NCOA3: variants seen among roughly 807,000 people sequenced by gnomAD.
NCOA3 encodes CBP-interacting protein.
A neutral mutation model predicts 158.8 loss-of-function variants in NCOA3; 51 were observed. The observed-to-expected ratio is 0.32, with a 90% confidence interval of 0.26 to 0.41. NCOA3 has a LOEUF of 0.41. Ranked by LOEUF, NCOA3 falls within the 10% of genes least tolerant of loss-of-function variation. The pLI is 1.00. For synonymous variants in NCOA3, 537 were observed against 592.4 expected (o/e 0.91, Z 1.36); for missense variants, 1,510 against 1,746.6 (o/e 0.86, Z 2.41).
At chr20:47,505,953 C>T (rs1050492093) in intron 1 of NCOA3, among the ~76,000 whole-genome samples, 9 of 152,030 alleles carry the variant, frequency 5.9e-5, no homozygotes, top group Admixed American at 2.0e-4. Context: ...TACCGGCGCT[C>T]GCCACCATGC....
chr20:47,580,222 C>T (rs1242122167), intron 1 of NCOA3, among the ~76,000 whole-genome samples: 1 of 152,054 alleles, frequency 6.6e-6, no homozygotes, highest in Non-Finnish European at 1.5e-5. Flanking sequence ...CACGAGGCAG[C>T]AGTAATTGTT....
intron 2 of NCOA3, among the ~76,000 whole-genome samples, chr20:47,601,088 A>G (rs1235087624): frequency 4.6e-5 from 7 of 152,186 alleles, no homozygotes; most frequent in African/African-American, 1.7e-4. Context: ...TTAGCACATG[A>G]TTCTGGAAGC....
chr20:47,597,720 C>T lies in NCOA3; in HGVS notation c.-20+14459C>T, dbSNP rs186944086. On this transcript the variant is annotated intron_variant, in intron 2 of 22. Coordinates refer to ENST00000371998, the MANE Select transcript of NCOA3 (RefSeq NM_181659.3). ...TCCAGGCTGGTCTTGAACTCCTGAC[C>T]TCAGGTGATCCACCGGCCTCGGCCT... Among the ~76,000 whole-genome samples the T allele has an allele frequency of 1.3e-4, 20 of 151,736 alleles. No homozygotes were observed. In the East Asian group the frequency reaches 3.9e-3, roughly 30 times the overall value.
In NCOA3 at chr20:47,606,666, G is replaced by A. The variant is rs144295576; in HGVS notation, c.-19-15563G>A. Among the ~76,000 whole-genome samples the A allele has an allele frequency of 1.4e-4, 21 of 152,316 alleles. No homozygotes were observed. The East Asian group carries it at 3.5e-3, about 25-fold the overall frequency. ...TTCTGCCTGCCAAAGTATGATGGCT[G>A]TCTCCGGGAAAAGCACTTGCGCAGT... On this transcript the variant is annotated intron_variant, in intron 2 of 22. Coordinates refer to ENST00000371998, the MANE Select transcript of NCOA3 (RefSeq NM_181659.3).
chr20:47,637,149 C>G (rs575681206), intron 12 of NCOA3, among the ~76,000 whole-genome samples: 1 of 152,194 alleles, frequency 6.6e-6, no homozygotes, highest in Admixed American at 6.5e-5. Context: ...AAGCATTTCC[C>G]AAACTTATAG....
rs201191261 is a variant in NCOA3, at chr20:47,636,306, C to T, written c.1920C>T (p.Ser640=). The change falls in exon 12 of 23, where the codon TCC becomes TCT. Residue 640 remains serine (S), a synonymous_variant. Coordinates refer to ENST00000371998, the MANE Select transcript of NCOA3 (RefSeq NM_181659.3). Reference sequence around the variant, plus strand: ...GGGGTCATTCCTCCTTGACCAACTCCCCCCTAGATTCAAGTTGTAAAGAAT... The same window carrying T: ...GGGGTCATTCCTCCTTGACCAACTCTCCCCTAGATTCAAGTTGTAAAGAAT... ...DDRGHSSLTN[S]PLDSSCKESS... is the part of the protein sequence containing the mutation. The T allele has an allele frequency of 2.7e-5, 43 of 1,614,036 alleles. No individual in the cohort carries two copies. The highest frequency in any genetic ancestry group is 3.1e-5 in the Non-Finnish European group (36 of 1,180,038).
At chr20:47,622,204 C>G (rs1568732681) in intron 2 of NCOA3, 25 bp from the exon 3 acceptor site, 1 of 1,275,294 alleles carries the variant, frequency 7.8e-7, no homozygotes, top group South Asian at 1.3e-5. Context: ...ATGTACTTAT[C>G]TTATTTCTCA....
In NCOA3 at chr20:47,635,583, C is replaced by T; in HGVS notation, c.1374C>T (p.Asn458=). The change falls in exon 11 of 23, where the codon AAC becomes AAT. Residue 458 remains asparagine (N), a synonymous_variant. Transcript: ENST00000371998. ...MQSPSSYQNN[N]YGLNMSSPPH... ...CACCATCTTCCTACCAGAACAACAA[C>T]TATGGGCTCAACATGAGTAGCCCCC... 2 of 1,614,202 alleles carry T rather than the reference C, an allele frequency of 1.2e-6. No individual in the cohort carries two copies. Among genetic ancestry groups the T allele is most frequent in the Non-Finnish European group, 1.7e-6 (2 of 1,180,030 alleles).
chr20:47,547,007 C>G (rs947588199), intron 1 of NCOA3, among the ~76,000 whole-genome samples: 1 of 152,172 alleles, frequency 6.6e-6, no homozygotes, highest in Admixed American at 6.5e-5. Flanking sequence ...TCAATTCTTA[C>G]ACTCTTAATG....
At chr20:47,633,295 T>C (rs938173437) in intron 8 of NCOA3, among the ~76,000 whole-genome samples, 1 of 152,206 alleles carries the variant, frequency 6.6e-6, no homozygotes, top group African/African-American at 2.4e-5. Context: ...ATTATACTCC[T>C]TAGCAGAACA....
At chr20:47,546,807 A>C (rs1555802835) in intron 1 of NCOA3, among the ~76,000 whole-genome samples, 2 of 152,112 alleles carry the variant, frequency 1.3e-5, no homozygotes, top group Non-Finnish European at 2.9e-5. Flanking sequence ...CTGAGGTTAC[A>C]GGCATGAGCC....
rs777812285 is a variant in NCOA3 at position 47,635,306 on chromosome 20, G to T, written c.1113-16G>T. 1.3e-6 allele frequency: 2 copies of T among 1,544,050 alleles called. No homozygotes were observed. The highest frequency in any genetic ancestry group is 1.2e-5 in the South Asian group (1 of 82,866). ...GCTTAGAATTTTTTAGTAAAAGTTT[G>T]ATGTTTGTTTTGCAGAGAACAGAAT... is the stretch of plus-strand genomic sequence containing the variant. On this transcript the variant is annotated splice_polypyrimidine_tract_variant and intron_variant, in intron 10 of 22. Transcript: ENST00000371998.
intron 1 of NCOA3, among the ~76,000 whole-genome samples, chr20:47,557,917 G>C (rs981970470): frequency 2.0e-5 from 3 of 152,104 alleles, no homozygotes; most frequent in African/African-American, 7.2e-5. Flanking sequence ...TATTTTCTTA[G>C]AGTTCTGGAG....
chr20:47,594,010 A>G lies in NCOA3; in HGVS notation c.-20+10749A>G, dbSNP rs559000712. Among the ~76,000 whole-genome samples, 11 of 152,384 alleles carry G rather than the reference A, an allele frequency of 7.2e-5. No individual in the cohort carries two copies. The South Asian group carries it at 8.3e-4, about 11-fold the overall frequency. On this transcript the variant is annotated intron_variant, in intron 2 of 22. Transcript: ENST00000371998. ...TAATTAAAATATGAACCAAATTCAT[A>G]GAAATCCTATAAGGCAACGATTACT...
intron 1 of NCOA3, among the ~76,000 whole-genome samples, chr20:47,560,133 G>T (rs947006477): frequency 2.0e-5 from 3 of 152,124 alleles, no homozygotes; most frequent in Non-Finnish European, 4.4e-5. Flanking sequence ...AGGCTAGAGT[G>T]CTGTGGCACA....
intron 1 of NCOA3, among the ~76,000 whole-genome samples, chr20:47,502,463 G>A (rs1475061097): frequency 1.3e-5 from 2 of 152,150 alleles, no homozygotes; most frequent in East Asian, 3.9e-4. Context: ...GAAAAGCCGC[G>A]GGGACCCCCC....
Position 47,578,532 on chromosome 20 carries a change from T to C in NCOA3, c.-98-4651T>C, listed in dbSNP as rs939023408. Among the ~76,000 whole-genome samples, 8 of 152,352 alleles carry C rather than the reference T, an allele frequency of 5.3e-5. No homozygotes were observed. In the East Asian group the frequency reaches 1.5e-3, roughly 29 times the overall value. On this transcript the variant is annotated intron_variant, in intron 1 of 22. Coordinates refer to ENST00000371998, the MANE Select transcript of NCOA3 (RefSeq NM_181659.3). The stretch of plus-strand genomic sequence containing the variant: ...GTTCATATGATTTTCAACTTGCATT[T>C]GGTCTTCTCCTTTCATTATAGCTAC...
chr20:47,654,957 T>C lies in NCOA3; in HGVS notation c.*1540T>C, dbSNP rs1030469862. ...TTTGGTTGCTAAGACCTGAATCCCATATTGAGATCTCGAGTAGAATCCTTG... is the reference window on the plus strand; with the variant it reads ...TTTGGTTGCTAAGACCTGAATCCCACATTGAGATCTCGAGTAGAATCCTTG... On this transcript the variant is annotated 3_prime_UTR_variant, in exon 23 of 23. Coordinates refer to ENST00000371998, the MANE Select transcript of NCOA3 (RefSeq NM_181659.3). 6.6e-6 allele frequency: 1 copy of C among 152,162 alleles called. No homozygotes were observed. Among genetic ancestry groups the C allele is most frequent in the Non-Finnish European group, 1.5e-5 (1 of 68,042 alleles). 9.4% of individuals were successfully genotyped at this position (152,162 alleles called of 1,614,324 possible).
chr20:47,650,090 C>G (rs1210174970), intron 19 of NCOA3, among the ~76,000 whole-genome samples: 1 of 151,768 alleles, frequency 6.6e-6, no homozygotes, highest in South Asian at 2.1e-4. Context: ...TTTCATAGTT[C>G]CTGAAAAATT....
Sources: gnomAD v4.1 joint callset for allele counts (sites outside exome capture counted in the v4.1 genomes callset) on GRCh38, gnomAD v4.1.1 for gene constraint, MANE v1.5 for transcripts, NCBI Gene and HGNC (gene_info 2026-07-23, HGNC 2026-07-21) for gene names.